The following KCTD15 variants were observed in gnomAD, a reference collection of about 807,000 sequenced individuals.
The protein encoded by KCTD15 is BTB/POZ domain-containing protein KCTD15.
Under a neutral mutation model 27.2 loss-of-function variants are expected in KCTD15, and 11 were observed. The observed-to-expected ratio is 0.41, with a 90% CI of 0.25 to 0.67. KCTD15 has a LOEUF of 0.67. Among genes scored for constraint, KCTD15 ranks in the 30% least tolerant of loss-of-function variants. The pLI, the probability that KCTD15 is intolerant of heterozygous loss-of-function variation, is 0.35. For missense variants in KCTD15, 350 were observed against 409.3 expected (o/e 0.86, Z 1.25); for synonymous variants, 163 against 176.0 (o/e 0.93, Z 0.58).
At chr19:33,800,397 C>G in intron 2 of KCTD15, 31 bp from the exon 3 acceptor site, 1 of 1,510,868 alleles carries the variant, frequency 6.6e-7, no homozygotes, top group Non-Finnish European at 9.0e-7. Context: ...GAGGAATAAG[C>G]CTTCTCTGGT....
chr19:33,796,698 C>CGAG (rs1355339781), upstream of KCTD15: 11 of 144,264 alleles, frequency 7.6e-5, no homozygotes, highest in South Asian at 1.9e-3. Context: ...GAGAGCGGCG[C>CGAG]GAGGAGGAGG....
In KCTD15 at chr19:33,796,970, C is replaced by G. The variant is rs937501770; in HGVS notation, c.-144C>G. 9.5e-6 allele frequency: 1 copy of G among 104,998 alleles called. No homozygotes were observed. Among genetic ancestry groups the G allele is most frequent in the Non-Finnish European group, 2.3e-5 (1 of 43,488 alleles). The allele number at this position is 104,998 out of a possible 1,614,324, so 6.5% of individuals were successfully genotyped here. On this transcript the variant is annotated 5_prime_UTR_variant, in exon 1 of 7. Coordinates refer to ENST00000683859, the MANE Select transcript of KCTD15 (RefSeq NM_001129994.2). ...GTGGGGCGGGGGCTGCGCCCGAGCC[C>G]GATCTGCCGGCTCCGAGGTAAGCTC... is the stretch of plus-strand genomic sequence containing the variant.
chr19:33,804,995 T>G (rs888607873), intron 4 of KCTD15, among the ~76,000 whole-genome samples: 15 of 151,548 alleles, frequency 9.9e-5, no homozygotes, highest in African/African-American at 3.6e-4. Flanking sequence ...TGGTGTGATC[T>G]CGGCTCATTG....
At chr19:33,798,223 G>T (rs1240739544) in intron 1 of KCTD15, 2 of 152,224 alleles carry the variant, frequency 1.3e-5, no homozygotes, top group Non-Finnish European at 2.9e-5. Context: ...AGGGGAGCTC[G>T]AGAGGCGCCT....
At chr19:33,802,419 G>A (rs958261902) in intron 4 of KCTD15, among the ~76,000 whole-genome samples, 2 of 152,214 alleles carry the variant, frequency 1.3e-5, no homozygotes, top group East Asian at 3.8e-4. Context: ...ATGGTAGTGC[G>A]CAGAGGTGGC....
chr19:33,812,293 C>T, intron 6 of KCTD15: 1 of 1,015,828 alleles, frequency 9.8e-7, no homozygotes. Flanking sequence ...TTTTTCTCTC[C>T]CTCCAGAGCT....
chr19:33,796,230 C>T (rs1414634178), upstream of KCTD15: 1 of 150,694 alleles, frequency 6.6e-6, no homozygotes, highest in African/African-American at 2.4e-5. Flanking sequence ...CGCCCCCTCC[C>T]CGAGCCCGGA....
At chr19:33,810,675 CAAAA>C (rs72186145) in intron 5 of KCTD15, among the ~76,000 whole-genome samples, 1 of 120,654 alleles carries the variant, frequency 8.3e-6, no homozygotes, top group African/African-American at 3.4e-5. Flanking sequence ...AAAACAAAAA[CAAAA>C]AAAAAAAACA....
At chr19:33,804,784 C>T (rs1346569485) in intron 4 of KCTD15, among the ~76,000 whole-genome samples, 2 of 152,176 alleles carry the variant, frequency 1.3e-5, no homozygotes, top group African/African-American at 4.8e-5. Context: ...GCCATTGTCA[C>T]CAGGCCTAGG....
In KCTD15 at chr19:33,802,776, T is replaced by C. The variant is rs550347332; in HGVS notation, c.242+1434T>C. 2.0e-5 allele frequency among the ~76,000 whole-genome samples: 3 copies of C among 152,352 alleles called. No homozygotes were observed. The South Asian group carries it at 6.2e-4, about 32-fold the overall frequency. ...TTGTTTGAGATAGATCATCCCTTAA[T>C]CGGTTGACGACGTTTGTGAGTGAAA... On this transcript the variant is annotated intron_variant, in intron 4 of 6. Coordinates refer to ENST00000683859, the MANE Select transcript of KCTD15 (RefSeq NM_001129994.2).
intron 6 of KCTD15, 181 bp from the exon 7 acceptor site, chr19:33,812,609 C>T: frequency 7.7e-7 from 1 of 1,292,330 alleles, no homozygotes; most frequent in Non-Finnish European, 9.8e-7. Context: ...CACTTCTGTC[C>T]CTCTGGTGGT....
chr19:33,802,180 G>C (rs958447586), intron 4 of KCTD15, among the ~76,000 whole-genome samples: 1 of 152,082 alleles, frequency 6.6e-6, no homozygotes. Context: ...GTCTTGAGCA[G>C]CTTGCTCAGC....
chr19:33,800,502 C>A lies in KCTD15; in HGVS notation c.48C>A (p.His16Gln). ...CGAGCGGGTCCTCGCTTCACACACACGGCAGCACCGGCACCGCGGTGAGCC... is the reference window on the plus strand; with the variant it reads ...CGAGCGGGTCCTCGCTTCACACACAAGGCAGCACCGGCACCGCGGTGAGCC... ...ERPSGSSLHT[H>Q]GSTGTAEGGN... Residue 16 changes from histidine (H) to glutamine (Q), a missense_variant, in exon 3 of 7, where the codon CAC becomes CAA. Coordinates refer to ENST00000683859, the MANE Select transcript of KCTD15 (RefSeq NM_001129994.2). 1 of 1,600,626 alleles carries A rather than the reference C, an allele frequency of 6.2e-7. No individual in the cohort carries two copies.
chr19:33,810,969 TCAC>T (rs1323061180), intron 5 of KCTD15, among the ~76,000 whole-genome samples: 1 of 151,970 alleles, frequency 6.6e-6, no homozygotes, highest in Non-Finnish European at 1.5e-5. Context: ...TGGGGAGGCT[TCAC>T]TGCCCAGTGC....
Position 33,813,132 on chromosome 19 carries a change from C to T in KCTD15, c.*184C>T. On this transcript the variant is annotated 3_prime_UTR_variant, in exon 7 of 7. Transcript: ENST00000683859. ...AGAACGTGGGATGCTGGAGGCATGCCTGCAGAAGGACTGTTGATGCGACCC... is the reference window on the plus strand; with the variant it reads ...AGAACGTGGGATGCTGGAGGCATGCTTGCAGAAGGACTGTTGATGCGACCC... 3.1e-6 allele frequency: 2 copies of T among 649,176 alleles called. No individual in the cohort carries two copies. Among genetic ancestry groups the T allele is most frequent in the East Asian group, 2.7e-5 (1 of 36,738 alleles). 40.2% of individuals were successfully genotyped at this position (649,176 alleles called of 1,614,324 possible). A position where few individuals can be genotyped will look rare whatever the true frequency, so the allele number is the denominator to read the frequency against.
intron 4 of KCTD15, 110 bp downstream of exon 4, chr19:33,801,452 C>T: frequency 1.1e-6 from 1 of 950,716 alleles, no homozygotes; most frequent in South Asian, 1.8e-5. Context: ...CCACCAGGGT[C>T]TCCAGGGTGC....
At chr19:33,800,812 G>A (rs542119811) in intron 3 of KCTD15, among the ~76,000 whole-genome samples, 100 of 152,274 alleles carry the variant, frequency 6.6e-4, no homozygotes, top group African/African-American at 2.2e-3. Context: ...TTGGTGATTC[G>A]TTTGTCAGGG....
chr19:33,812,972 GC>G lies in KCTD15; in HGVS notation c.*31del, dbSNP rs541294534. On this transcript the variant is annotated 3_prime_UTR_variant, in exon 7 of 7. Coordinates refer to ENST00000683859, the MANE Select transcript of KCTD15 (RefSeq NM_001129994.2). The stretch of plus-strand genomic sequence containing the variant: ...AGGCCCTGCTTCAGTGCCCACCTGG[GC>G]CCCCCCAGGGACCTGGAAACAGTGC... 7.2e-6 allele frequency: 11 copies of G among 1,526,884 alleles called. No homozygotes were observed. The highest frequency in any genetic ancestry group is 4.9e-5 in the East Asian group (2 of 40,768). 94.6% of individuals were successfully genotyped at this position (1,526,884 alleles called of 1,614,324 possible).
At chr19:33,798,412 TCTG>T (rs1276777320) in intron 1 of KCTD15, 2 of 152,134 alleles carry the variant, frequency 1.3e-5, no homozygotes, top group Non-Finnish European at 2.9e-5. Context: ...AGCGTGGCAT[TCTG>T]CTCACTTCTC....
Sources: gnomAD v4.1 joint callset for allele counts (sites outside exome capture counted in the v4.1 genomes callset) on GRCh38, gnomAD v4.1.1 for gene constraint, MANE v1.5 for transcripts, NCBI Gene and HGNC (gene_info 2026-07-23, HGNC 2026-07-21) for gene names.